The following BBX variants were observed in gnomAD, a reference collection of about 807,000 sequenced individuals.
BBX encodes the protein HMG box transcription factor BBX.
Under a neutral mutation model 100.2 loss-of-function variants are expected in BBX, and 30 were observed. That is an observed-to-expected ratio of 0.30 (90% CI 0.22 to 0.41). BBX has a LOEUF of 0.41. BBX is among the 10% of genes least tolerant of loss of function. The pLI, the probability that BBX is intolerant of heterozygous loss-of-function variation, is 1.00. For synonymous variants in BBX, 376 were observed against 388.1 expected (o/e 0.97, Z 0.37); for missense variants, 1,023 against 1,129.8 (o/e 0.91, Z 1.35).
At position 107,736,534 on chromosome 3, in the gene BBX, T is replaced by A. The variant is rs180952420; in HGVS notation, c.669+3511T>A. Among the ~76,000 whole-genome samples, 945 of 152,190 alleles carry A rather than the reference T, an allele frequency of 6.2e-3. 9 individuals are homozygous for A. Among genetic ancestry groups the A allele is most frequent in the African/African-American group, 0.022 (897 of 41,556 alleles). Reference sequence around the variant, plus strand: ...ATGAGAAGGCAGAGAATTAAGCCTTTATGTTTTATACCACAGAGTTATCTA... The same window carrying A: ...ATGAGAAGGCAGAGAATTAAGCCTTAATGTTTTATACCACAGAGTTATCTA... On this transcript the variant is annotated intron_variant, in intron 7 of 17. Transcript: ENST00000325805.
intron 8 of BBX, among the ~76,000 whole-genome samples, chr3:107,745,491 T>A (rs2064504282): frequency 1.3e-5 from 2 of 152,096 alleles, no homozygotes; most frequent in African/African-American, 4.8e-5. Flanking sequence ...AGAGAGAGTC[T>A]CAATCTGTCA....
At chr3:107,566,175 CAAAAAAAAAAAA>C (rs754905445) in intron 2 of BBX, among the ~76,000 whole-genome samples, 7 of 53,064 alleles carry the variant, frequency 1.3e-4, no homozygotes, top group African/African-American at 5.0e-4. Flanking sequence ...AACTCTGTCT[CAAAAAAAAAAAA>C]AAAAAAAAAA....
chr3:107,573,211 A>G (rs1244304621), intron 2 of BBX, among the ~76,000 whole-genome samples: 2 of 152,220 alleles, frequency 1.3e-5, no homozygotes, highest in African/African-American at 4.8e-5. Flanking sequence ...GATTTAGTAT[A>G]TCATCTGGTA....
At chr3:107,774,999 A>C (rs80038560) in intron 12 of BBX, 142 bp downstream of exon 12, 1 of 910,138 alleles carries the variant, frequency 1.1e-6, no homozygotes, top group African/African-American at 1.7e-5. Context: ...TAGGCACCCT[A>C]GTGAACACAA....
chr3:107,693,236 C>A (rs148036786), intron 3 of BBX, among the ~76,000 whole-genome samples: 37,842 of 151,570 alleles, frequency 0.25, 6,874 homozygotes, highest in East Asian at 0.91. Context: ...GCTTTTGTTG[C>A]CATTGCTGTT....
At chr3:107,626,973 T>C (rs2056225745) in intron 2 of BBX, among the ~76,000 whole-genome samples, 1 of 152,028 alleles carries the variant, frequency 6.6e-6, no homozygotes, top group South Asian at 2.1e-4. Context: ...TTCTAAATGT[T>C]CTCATGACAT....
chr3:107,789,909 C>T, intron 14 of BBX, 33 bp downstream of exon 14: 2 of 1,464,776 alleles, frequency 1.4e-6, no homozygotes, highest in Non-Finnish European at 1.9e-6. Context: ...ATGAAGGGTT[C>T]TTGGTCACCT....
At chr3:107,675,309 T>A (rs9817065) in intron 3 of BBX, among the ~76,000 whole-genome samples, 15,472 of 152,172 alleles carry the variant, frequency 0.1, 1,019 homozygotes, top group Admixed American at 0.14. Context: ...GAACTTCTGT[T>A]TTTTGGCCAT....
chr3:107,810,969 G>A lies in BBX; in HGVS notation c.*5512G>A, dbSNP rs1420512459. On this transcript the variant is annotated 3_prime_UTR_variant, in exon 18 of 18. Transcript: ENST00000325805. ...TTCTCTTTAGAGTTGGTGTAAACAT[G>A]CCATGTAATAAATGATTTCCACTTA... 1.3e-5 allele frequency: 2 copies of A among 151,352 alleles called. No homozygotes were observed. The highest frequency in any genetic ancestry group is 2.9e-5 in the Non-Finnish European group (2 of 67,954). 9.4% of individuals were successfully genotyped at this position (151,352 alleles called of 1,614,324 possible).
At position 107,778,405 on chromosome 3, in the gene BBX, T is replaced by C. The variant is rs147837010; in HGVS notation, c.2089T>C (p.Phe697Leu). ...AKLDEEFEKK[F>L]NSLPQYSPVT... ...GCTGGATGAAGAATTTGAAAAAAAA[T>C]TCAACAGCCTCCCTCAATATAGTCC... Residue 697 changes from phenylalanine (F) to leucine (L), a missense_variant, in exon 13 of 18, where the codon TTC (phenylalanine) becomes CTC (leucine). Phe to Leu is a conservative substitution (Grantham distance 22). This residue lies in a region of BBX where 215 missense variants were observed against 211.3 expected (regional missense o/e 1.02). Transcript: ENST00000325805. The C allele has an allele frequency of 2.6e-5, 42 of 1,613,178 alleles. No individual in the cohort carries two copies. The highest frequency in any genetic ancestry group is 9.9e-5 in the South Asian group (9 of 91,066).
chr3:107,732,552 T>C (rs905980878), intron 6 of BBX, among the ~76,000 whole-genome samples: 10 of 152,196 alleles, frequency 6.6e-5, no homozygotes, highest in African/African-American at 2.4e-4. Context: ...TAGTCCTGAT[T>C]TCACATGGCA....
chr3:107,651,229 G>A (rs987146693), intron 3 of BBX, among the ~76,000 whole-genome samples: 1 of 152,108 alleles, frequency 6.6e-6, no homozygotes, highest in African/African-American at 2.4e-5. Flanking sequence ...TACTTTCTAC[G>A]TGATTTAGTC....
At chr3:107,674,152 C>A (rs977538997) in intron 3 of BBX, among the ~76,000 whole-genome samples, 3 of 152,184 alleles carry the variant, frequency 2.0e-5, no homozygotes, top group African/African-American at 7.2e-5. Context: ...ATTGGAAATA[C>A]ATGTCAGAGG....
intron 3 of BBX, among the ~76,000 whole-genome samples, chr3:107,708,427 G>T (rs892270708): frequency 5.3e-5 from 8 of 152,126 alleles, no homozygotes; most frequent in Non-Finnish European, 1.2e-4. Context: ...TGTAATCCCA[G>T]CACTTTGGGA....
At chr3:107,768,376 A>G (rs947782316) in intron 10 of BBX, among the ~76,000 whole-genome samples, 1 of 152,236 alleles carries the variant, frequency 6.6e-6, no homozygotes, top group Non-Finnish European at 1.5e-5. Flanking sequence ...AGGAATTTCA[A>G]ATGGATTAGA....
intron 3 of BBX, among the ~76,000 whole-genome samples, chr3:107,677,030 A>G (rs375424473): frequency 4.7e-4 from 72 of 152,234 alleles, no homozygotes; most frequent in African/African-American, 1.5e-3. Flanking sequence ...GGATTCATAT[A>G]TACTTTAAAA....
At chr3:107,766,469 G>C (rs902788744) in intron 10 of BBX, among the ~76,000 whole-genome samples, 2 of 152,152 alleles carry the variant, frequency 1.3e-5, no homozygotes, top group Non-Finnish European at 2.9e-5. Context: ...GTCTGGATTA[G>C]AGAAGATAAA....
intron 8 of BBX, among the ~76,000 whole-genome samples, chr3:107,746,949 G>A (rs377460134): frequency 5.3e-5 from 8 of 152,242 alleles, no homozygotes; most frequent in Non-Finnish European, 1.2e-4. Flanking sequence ...AAGACTTGTG[G>A]GATTGGGAAT....
intron 2 of BBX, among the ~76,000 whole-genome samples, chr3:107,611,012 T>G (rs2054810322): frequency 6.6e-6 from 1 of 152,114 alleles, no homozygotes; most frequent in South Asian, 2.1e-4. Flanking sequence ...TTATTTTTTG[T>G]TCATCTGTTG....
Sources: allele counts gnomAD v4.1 joint callset (sites outside exome capture counted in the v4.1 genomes callset), GRCh38; gene constraint gnomAD v4.1.1; regional missense constraint gnomAD v4.1.1; transcripts MANE v1.5; gene names NCBI Gene and HGNC (gene_info 2026-07-23, HGNC 2026-07-21).